Variants in TTC3 observed in about 807,000 individuals in gnomAD.
TTC3 encodes tetratricopeptide repeat domain 3, also known as E3 ubiquitin-protein ligase TTC3.
A neutral mutation model predicts 249.6 loss-of-function variants in TTC3; 180 were observed. That is an observed-to-expected ratio of 0.72 (90% CI 0.64 to 0.82). The LOEUF is 0.82. Among genes scored for constraint, TTC3 ranks in the 40% least tolerant of loss-of-function variants. The probability of loss-of-function intolerance (pLI) is 0.00; values close to 1 mark genes in which losing one functional copy is unlikely to be tolerated. For synonymous variants in TTC3, 717 were observed against 805.0 expected (o/e 0.89, Z 1.85); for missense variants, 2,061 against 2,398.4 (o/e 0.86, Z 2.94).
chr21:37,169,337 A>G (rs1569131545), intron 34 of TTC3, among the ~76,000 whole-genome samples: 2 of 152,188 alleles, frequency 1.3e-5, no homozygotes, highest in Non-Finnish European at 2.9e-5. Context: ...TACATAGACC[A>G]TTAATATGAG....
chr21:37,157,137 T>C, intron 28 of TTC3: 1 of 1,435,382 alleles, frequency 7.0e-7, no homozygotes, highest in Non-Finnish European at 9.3e-7. Context: ...ATGCTAACAA[T>C]ACACAATGTT....
chr21:37,082,397 C>G, intron 1 of TTC3: 3 of 744,164 alleles, frequency 4.0e-6, no homozygotes, highest in Non-Finnish European at 4.9e-6. Flanking sequence ...GTTTGGTGAT[C>G]ATTGATTATG....
intron 15 of TTC3, among the ~76,000 whole-genome samples, chr21:37,127,528 C>T (rs1913573036): frequency 6.6e-6 from 1 of 152,124 alleles, no homozygotes. Flanking sequence ...TTACATGCTT[C>T]CCTGCCTTTT....
chr21:37,121,548 G>T (rs1317667551), intron 11 of TTC3, among the ~76,000 whole-genome samples: 1 of 152,152 alleles, frequency 6.6e-6, no homozygotes, highest in Non-Finnish European at 1.5e-5. Flanking sequence ...AACAAAAGTT[G>T]AACTCTGCTG....
intron 20 of TTC3, among the ~76,000 whole-genome samples, chr21:37,144,005 A>G (rs1348933704): frequency 6.6e-6 from 1 of 151,616 alleles, no homozygotes; most frequent in African/African-American, 2.4e-5. Flanking sequence ...AAAAAACCAA[A>G]CACCGCATGT....
At chr21:37,164,182 T>C in exon 32 of TTC3, 1 of 1,610,800 alleles carries the variant, frequency 6.2e-7, no homozygotes, top group Non-Finnish European at 8.5e-7. Context: ...CTATGGGACA[T>C]GAACCCAAAA....
intron 1 of TTC3, among the ~76,000 whole-genome samples, chr21:37,074,458 A>G (rs1329377304): frequency 6.6e-6 from 1 of 152,148 alleles, no homozygotes; most frequent in East Asian, 1.9e-4. Context: ...TTCAAAATAT[A>G]TGCACTCTCC....
At chr21:37,166,282 T>C (rs751109516) in exon 33 of TTC3, 2 of 1,614,186 alleles carry the variant, frequency 1.2e-6, no homozygotes, top group South Asian at 2.2e-5. Context: ...CCAGCCTTTC[T>C]CCTGAATATC....
In TTC3 at chr21:37,097,900, T is replaced by G. The variant is rs755009904; in HGVS notation, c.845+1257T>G. 681 of 702,686 alleles carry G rather than the reference T, an allele frequency of 9.7e-4. 7 individuals are homozygous for G. The highest frequency in any genetic ancestry group is 2.0e-4 in the Non-Finnish European group (75 of 379,370). 43.5% of individuals were successfully genotyped at this position (702,686 alleles called of 1,614,324 possible). ...AAAAATAACATTTATTGTGTTTTTC[T>G]TTTATTGTAAACAGAACACATTCTC... is the stretch of plus-strand genomic sequence containing the variant. On this transcript the variant is annotated intron_variant, in intron 10 of 45. Coordinates refer to ENST00000355666, the Ensembl canonical transcript of TTC3.
At chr21:37,139,026 CTT>C (rs2078200667) in intron 19 of TTC3, among the ~76,000 whole-genome samples, 1 of 152,072 alleles carries the variant, frequency 6.6e-6, no homozygotes, top group Non-Finnish European at 1.5e-5. Context: ...TGTGATCCCA[CTT>C]ATATACTTTT....
chr21:37,122,682 A>G (rs1394757400), intron 12 of TTC3, among the ~76,000 whole-genome samples: 2 of 151,986 alleles, frequency 1.3e-5, no homozygotes, highest in Non-Finnish European at 2.9e-5. Context: ...TCATAACATG[A>G]TTATGTAATA....
intron 13 of TTC3, among the ~76,000 whole-genome samples, chr21:37,123,294 A>G (rs995034402): frequency 2.0e-5 from 3 of 152,214 alleles, no homozygotes; most frequent in Non-Finnish European, 4.4e-5. Context: ...TTAATTGGAC[A>G]TTACTATGCT....
rs902277710 is a variant in TTC3 at position 37,124,601 on chromosome 21, C to T, written c.1110-18C>T. ...ACTTTCAAAAAATGTATAATAATTC[C>T]TTTTTTCCCCCACTTAGGGCCTACA... On this transcript the variant is annotated intron_variant, in intron 13 of 45. Transcript: ENST00000355666. The T allele has an allele frequency of 6.2e-7, 1 of 1,603,082 alleles. No individual in the cohort carries two copies. Among genetic ancestry groups the T allele is most frequent in the Admixed American group, 1.7e-5 (1 of 57,900 alleles).
At chr21:37,103,443 ATTAT>A (rs2147770581) in intron 10 of TTC3, among the ~76,000 whole-genome samples, 1 of 152,236 alleles carries the variant, frequency 6.6e-6, no homozygotes, top group Non-Finnish European at 1.5e-5. Context: ...GTCAAACCTG[ATTAT>A]TTAGACCCTG....
exon 46 of TTC3, chr21:37,201,491 C>G (rs1305077584): frequency 2.5e-6 from 4 of 1,614,004 alleles, no homozygotes; most frequent in South Asian, 2.2e-5. Flanking sequence ...CTGCCAGGGT[C>G]GTGATCTCCT....
chr21:37,150,962 T>A (rs1206420249), intron 25 of TTC3, 78 bp downstream of exon 25: 18 of 1,114,344 alleles, frequency 1.6e-5, no homozygotes, highest in African/African-American at 3.2e-5. Context: ...ATTTCTAAAT[T>A]ATGCCTTTTT....
intron 24 of TTC3, 43 bp from the exon 25 acceptor site, chr21:37,150,777 G>T (rs778423423): frequency 6.8e-6 from 9 of 1,330,290 alleles, no homozygotes; most frequent in Admixed American, 5.1e-5. Context: ...TTTATGTCAT[G>T]GGAGTATGAG....
At chr21:37,093,690 A>G in intron 7 of TTC3, among the ~76,000 whole-genome samples, 1 of 152,172 alleles carries the variant, frequency 6.6e-6, no homozygotes, top group East Asian at 1.9e-4. Flanking sequence ...ATATGTTATG[A>G]CAGAGCATTT....
intron 10 of TTC3, among the ~76,000 whole-genome samples, chr21:37,104,050 C>T (rs534046567): frequency 6.6e-6 from 1 of 152,224 alleles, no homozygotes; most frequent in South Asian, 2.1e-4. Flanking sequence ...GAGATGATGG[C>T]TTCCAGCAGA....
Sources: gnomAD v4.1 joint callset for allele counts (sites outside exome capture counted in the v4.1 genomes callset) on GRCh38, gnomAD v4.1.1 for gene constraint, MANE v1.5 for transcripts, NCBI Gene and HGNC (gene_info 2026-07-23, HGNC 2026-07-21) for gene names.